CDC42BPA: variants seen among roughly 807,000 people sequenced by gnomAD.
CDC42BPA encodes CDC42 binding protein kinase alpha.
CDC42BPA carries 80 observed loss-of-function variants against 223.5 expected under a neutral mutation model. The ratio of observed to expected loss-of-function variants is 0.36; its 90% CI spans 0.30 to 0.43. CDC42BPA has a LOEUF of 0.43. CDC42BPA is among the 20% of genes least tolerant of loss of function. The pLI is 1.00. For missense variants in CDC42BPA, 1,743 were observed against 2,099.9 expected (o/e 0.83, Z 3.32); for synonymous variants, 694 against 718.6 (o/e 0.97, Z 0.55).
At chr1:227,226,385 C>A (rs1676870038) in intron 2 of CDC42BPA, among the ~76,000 whole-genome samples, 1 of 152,172 alleles carries the variant, frequency 6.6e-6, no homozygotes, top group Admixed American at 6.5e-5. Context: ...CTCTAGTATA[C>A]TAGTTAAAAC....
intron 2 of CDC42BPA, among the ~76,000 whole-genome samples, chr1:227,233,729 T>C (rs112780736): frequency 0.03 from 4,583 of 152,190 alleles, 206 homozygotes; most frequent in African/African-American, 0.1. Flanking sequence ...GGTCAGGAGT[T>C]TGAGATCAGC....
chr1:227,080,113 G>C (rs1319387187), intron 17 of CDC42BPA, among the ~76,000 whole-genome samples: 1 of 152,040 alleles, frequency 6.6e-6, no homozygotes, highest in Non-Finnish European at 1.5e-5. Context: ...ACGTTTTGAA[G>C]CATTTCAGAT....
intron 1 of CDC42BPA, among the ~76,000 whole-genome samples, chr1:227,261,197 C>T (rs1572699675): frequency 7.1e-6 from 1 of 140,834 alleles, no homozygotes; most frequent in East Asian, 2.2e-4. Context: ...CTCACTGCAA[C>T]CTCCACCTCC....
chr1:227,158,665 C>T (rs1663273735), intron 6 of CDC42BPA, among the ~76,000 whole-genome samples: 1 of 152,132 alleles, frequency 6.6e-6, no homozygotes, highest in African/African-American at 2.4e-5. Context: ...TTAGGTGATA[C>T]AAAGGTGTTA....
intron 5 of CDC42BPA, among the ~76,000 whole-genome samples, chr1:227,184,687 C>G (rs1668470289): frequency 6.6e-6 from 1 of 151,992 alleles, no homozygotes; most frequent in Admixed American, 6.6e-5. Flanking sequence ...ATAAGCTTGT[C>G]TCTATCTAAA....
At chr1:227,261,888 G>C (rs542708139) in intron 1 of CDC42BPA, among the ~76,000 whole-genome samples, 1 of 152,098 alleles carries the variant, frequency 6.6e-6, no homozygotes, top group Admixed American at 6.5e-5. Context: ...GAAAACATGA[G>C]GGTTTGGAGT....
At chr1:227,126,464 A>AAAGG (rs143254580) in intron 11 of CDC42BPA, among the ~76,000 whole-genome samples, 2,403 of 130,454 alleles carry the variant, frequency 0.018, 42 homozygotes, top group East Asian at 0.044. Context: ...GCAGTACAAG[A>AAAGG]AAGGAAGGAA....
intron 2 of CDC42BPA, among the ~76,000 whole-genome samples, chr1:227,250,990 C>T (rs1413456494): frequency 6.6e-6 from 1 of 152,086 alleles, no homozygotes; most frequent in Non-Finnish European, 1.5e-5. Flanking sequence ...GAATTCAAGG[C>T]TGCAGTGAGC....
intron 23 of CDC42BPA, among the ~76,000 whole-genome samples, chr1:227,044,456 T>C (rs1218178508): frequency 6.6e-6 from 1 of 152,202 alleles, no homozygotes; most frequent in Non-Finnish European, 1.5e-5. Flanking sequence ...AATTAATACA[T>C]ACACATGGTT....
chr1:227,083,176 C>T (rs1454933523), intron 16 of CDC42BPA, among the ~76,000 whole-genome samples: 2 of 152,164 alleles, frequency 1.3e-5, no homozygotes, highest in Non-Finnish European at 2.9e-5. Flanking sequence ...TTTGGGAAAC[C>T]AATTATTTGT....
chr1:227,301,534 AT>A (rs1332113368), intron 1 of CDC42BPA, among the ~76,000 whole-genome samples: 2 of 151,868 alleles, frequency 1.3e-5, no homozygotes, highest in Non-Finnish European at 2.9e-5. Context: ...TAATTTTTGT[AT>A]TTTTAGTACA....
At chr1:227,012,273 G>A (rs1448700226) in intron 34 of CDC42BPA, among the ~76,000 whole-genome samples, 8 of 152,084 alleles carry the variant, frequency 5.3e-5, no homozygotes, top group Admixed American at 5.2e-4. Flanking sequence ...CCAAATTAGA[G>A]AAAAATTTGT....
At chr1:227,222,733 C>T (rs1262018450) in intron 2 of CDC42BPA, among the ~76,000 whole-genome samples, 3 of 152,214 alleles carry the variant, frequency 2.0e-5, no homozygotes, top group Non-Finnish European at 4.4e-5. Flanking sequence ...GCTGTCTATA[C>T]TTTATTGAAC....
chr1:227,188,336 A>C (rs1377716990), intron 5 of CDC42BPA, among the ~76,000 whole-genome samples: 1 of 152,114 alleles, frequency 6.6e-6, no homozygotes, highest in Non-Finnish European at 1.5e-5. Flanking sequence ...TTGTAAATTT[A>C]TATTGCAAAC....
At chr1:227,098,760 G>A (rs192370286) in intron 15 of CDC42BPA, among the ~76,000 whole-genome samples, 289 of 151,554 alleles carry the variant, frequency 1.9e-3, no homozygotes, top group Middle Eastern at 3.4e-3. Flanking sequence ...TACTTCAATC[G>A]TCTTCTAAGT....
chr1:227,135,630 G>A (rs187013391), intron 10 of CDC42BPA, among the ~76,000 whole-genome samples: 5 of 152,050 alleles, frequency 3.3e-5, no homozygotes, highest in African/African-American at 9.6e-5. Flanking sequence ...TGAGACGGGC[G>A]GATCACGAGG....
Position 227,256,938 on chromosome 1 carries a change from T to TACACACACACACACAC in CDC42BPA, c.179-2784_179-2783insGTGTGTGTGTGTGTGT, listed in dbSNP as rs1442280387. Reference sequence around the variant, plus strand: ...ATGAACAGATAAACAAAATGTGATATATATATACAGACACACACACACACA... The same window carrying TACACACACACACACAC: ...ATGAACAGATAAACAAAATGTGATATACACACACACACACACATATATACAGACACACACACACACA... On this transcript the variant is annotated intron_variant, in intron 1 of 36. Coordinates refer to ENST00000366766, the MANE Select transcript of CDC42BPA (RefSeq NM_001394014.1). Among the ~76,000 whole-genome samples the TACACACACACACACAC allele has an allele frequency of 6.6e-3, 798 of 120,000 alleles. 15 individuals are homozygous for TACACACACACACACAC. Among genetic ancestry groups the TACACACACACACACAC allele is most frequent in the African/African-American group, 0.01 (326 of 32,160 alleles). The allele number at this position is 120,000 out of a possible 152,430, so 78.7% of individuals were successfully genotyped here. A position where few individuals can be genotyped will look rare whatever the true frequency, so the allele number is the denominator to read the frequency against.
intron 12 of CDC42BPA, among the ~76,000 whole-genome samples, chr1:227,116,009 T>C (rs1240917153): frequency 6.6e-6 from 1 of 152,170 alleles, no homozygotes. Flanking sequence ...AAAATCTAGC[T>C]CCACCACTTT....
intron 1 of CDC42BPA, among the ~76,000 whole-genome samples, chr1:227,293,520 T>TTA (rs1190852596): frequency 7.0e-6 from 1 of 143,402 alleles, no homozygotes; most frequent in Non-Finnish European, 1.5e-5. Flanking sequence ...GTAAAGTCAT[T>TTA]AAAAAAAAAA....
Sources: gnomAD v4.1 joint callset for allele counts (sites outside exome capture counted in the v4.1 genomes callset) on GRCh38, gnomAD v4.1.1 for gene constraint, MANE v1.5 for transcripts, NCBI Gene and HGNC (gene_info 2026-07-23, HGNC 2026-07-21) for gene names.